Variants in PID1 observed in about 807,000 individuals in gnomAD.
PID1 encodes the protein phosphotyrosine interaction domain containing 1.
PID1 carries 10 observed loss-of-function variants against 19.1 expected under a neutral mutation model. That is an observed-to-expected ratio of 0.52 (90% confidence interval 0.32 to 0.89). The LOEUF (loss-of-function observed/expected upper bound fraction) is 0.89. Ranked by LOEUF, PID1 falls within the 40% of genes least tolerant of loss-of-function variation. The pLI is 0.03. For synonymous variants in PID1, 130 were observed against 116.0 expected (o/e 1.12, Z -0.78); for missense variants, 248 against 285.3 (o/e 0.87, Z 0.94).
rs190939141 is a variant in PID1 at position 229,122,399 on chromosome 2, G to A, written c.177+33419C>T. On this transcript the variant is annotated intron_variant, in intron 2 of 2. Coordinates refer to ENST00000392055, the MANE Select transcript of PID1 (RefSeq NM_001100818.2). Reference sequence around the variant, plus strand: ...GGGGCATTGCATAGAGAGGATAAGGGAACCCAGGAATAGCTGAATGATTTG... The same window carrying A: ...GGGGCATTGCATAGAGAGGATAAGGAAACCCAGGAATAGCTGAATGATTTG... 2.7e-3 allele frequency among the ~76,000 whole-genome samples: 410 copies of A among 152,296 alleles called. 1 individual carries two copies. The highest frequency in any genetic ancestry group is 9.5e-3 in the African/African-American group (395 of 41,566).
intron 1 of PID1, among the ~76,000 whole-genome samples, chr2:229,247,344 G>A (rs772018384): frequency 6.6e-6 from 1 of 152,116 alleles, no homozygotes; most frequent in Non-Finnish European, 1.5e-5. Context: ...CCTCTCACAT[G>A]GCTTAAAAGG....
chr2:229,237,178 T>C (rs1689726291), intron 1 of PID1, among the ~76,000 whole-genome samples: 1 of 152,196 alleles, frequency 6.6e-6, no homozygotes, highest in Non-Finnish European at 1.5e-5. Flanking sequence ...TCTTTTTGCA[T>C]CCAGAGAATA....
intron 1 of PID1, among the ~76,000 whole-genome samples, chr2:229,186,856 A>G (rs1691143754): frequency 6.6e-6 from 1 of 152,206 alleles, no homozygotes; most frequent in African/African-American, 2.4e-5. Context: ...AAATTTTCCA[A>G]ACTTTTATGC....
chr2:229,185,092 C>CTA (rs377174007), intron 1 of PID1, among the ~76,000 whole-genome samples: 24 of 35,754 alleles, frequency 6.7e-4, no homozygotes, highest in South Asian at 1.2e-3. Flanking sequence ...CATATATATC[C>CTA]TATATATATC....
chr2:229,128,995 A>T (rs147591254), intron 2 of PID1, among the ~76,000 whole-genome samples: 1 of 152,278 alleles, frequency 6.6e-6, no homozygotes, highest in African/African-American at 2.4e-5. Flanking sequence ...AAAACATCTC[A>T]TGTACCCCAT....
chr2:229,250,531 A>G (rs374793814), intron 1 of PID1, among the ~76,000 whole-genome samples: 3 of 152,226 alleles, frequency 2.0e-5, no homozygotes, highest in South Asian at 4.1e-4. Context: ...GGGATATCGC[A>G]TCTTCCACAT....
chr2:229,058,440 A>G (rs1694146749), intron 2 of PID1, among the ~76,000 whole-genome samples: 1 of 152,188 alleles, frequency 6.6e-6, no homozygotes, highest in South Asian at 2.1e-4. Context: ...CCTAGAGTGG[A>G]GACACAGGAT....
intron 1 of PID1, among the ~76,000 whole-genome samples, chr2:229,234,079 T>C (rs548752359): frequency 2.0e-5 from 3 of 152,258 alleles, no homozygotes; most frequent in Non-Finnish European, 4.4e-5. Context: ...AAGGCCAGCA[T>C]GTTGACCAGA....
intron 1 of PID1, among the ~76,000 whole-genome samples, chr2:229,239,013 TCAC>T (rs909026236): frequency 2.6e-5 from 4 of 152,070 alleles, no homozygotes; most frequent in African/African-American, 7.2e-5. Flanking sequence ...CCCGCTACTA[TCAC>T]CACCAAGAAC....
rs7582363 is a variant in PID1 at position 229,199,708 on chromosome 2, G to A, written c.31-43744C>T. On this transcript the variant is annotated intron_variant, in intron 1 of 2. Transcript: ENST00000392055. ...ATATATATGTCTTCAAGACAAATGG[G>A]AAATATCTAATTTATATATATATAT... Among the ~76,000 whole-genome samples the A allele has an allele frequency of 9.4e-3, 1,327 of 140,886 alleles. 22 individuals are homozygous for A. The highest frequency in any genetic ancestry group is 0.033 in the African/African-American group (1,279 of 38,770). The allele number at this position is 140,886 out of a possible 152,430, so 92.4% of individuals were successfully genotyped here. A position where few individuals can be genotyped will look rare whatever the true frequency, so the allele number is the denominator to read the frequency against.
intron 2 of PID1, among the ~76,000 whole-genome samples, chr2:229,113,267 T>A (rs997461495): frequency 7.2e-5 from 11 of 151,884 alleles, no homozygotes; most frequent in African/African-American, 2.4e-4. Context: ...GATCTAAAAT[T>A]TTAGAATCTT....
chr2:229,205,444 T>C (rs1691590609), intron 1 of PID1, among the ~76,000 whole-genome samples: 1 of 152,110 alleles, frequency 6.6e-6, no homozygotes, highest in Admixed American at 6.6e-5. Context: ...AATTCACATC[T>C]TCCACAAATT....
At position 229,025,380 on chromosome 2, in the gene PID1, A is replaced by AGAG; in HGVS notation, c.*249_*251dup. The AGAG allele has an allele frequency of 2.1e-6, 1 of 475,150 alleles. No individual in the cohort carries two copies. The allele number at this position is 475,150 out of a possible 1,614,324, so 29.4% of individuals were successfully genotyped here. A position where few individuals can be genotyped will look rare whatever the true frequency, so the allele number is the denominator to read the frequency against. On this transcript the variant is annotated 3_prime_UTR_variant, in exon 3 of 3. Coordinates refer to ENST00000392055, the MANE Select transcript of PID1 (RefSeq NM_001100818.2). ...GAGGCATTGGGAAATGAGAAAAATA[A>AGAG]GAGAGCCTAGAACCTTCCTCCCCAT...
At chr2:229,210,994 C>T (rs890180002) in intron 1 of PID1, among the ~76,000 whole-genome samples, 9 of 152,276 alleles carry the variant, frequency 5.9e-5, no homozygotes, top group South Asian at 2.1e-4. Flanking sequence ...AAAACTGCAT[C>T]GACTACTAGT....
chr2:229,045,697 A>G (rs1265560914), intron 2 of PID1, among the ~76,000 whole-genome samples: 1 of 152,222 alleles, frequency 6.6e-6, no homozygotes, highest in African/African-American at 2.4e-5. Flanking sequence ...TGATGAGGAA[A>G]CCTTTCTTTT....
intron 1 of PID1, among the ~76,000 whole-genome samples, chr2:229,158,844 A>C (rs947926461): frequency 2.6e-5 from 4 of 152,090 alleles, no homozygotes; most frequent in Admixed American, 2.6e-4. Flanking sequence ...CAAACATTGC[A>C]TGTTCTCATT....
intron 1 of PID1, among the ~76,000 whole-genome samples, chr2:229,203,483 C>A (rs1362239): frequency 0.52 from 78,043 of 150,294 alleles, 20,347 homozygotes; most frequent in Admixed American, 0.6. Flanking sequence ...TTTTACTATA[C>A]ATCATTTCAC....
chr2:229,153,124 G>A (rs866170824), intron 2 of PID1, among the ~76,000 whole-genome samples: 26 of 152,100 alleles, frequency 1.7e-4, no homozygotes, highest in African/African-American at 6.0e-4. Context: ...GATCTAAAAG[G>A]ATTTTAAACC....
At chr2:229,100,554 T>C (rs750895795) in intron 2 of PID1, among the ~76,000 whole-genome samples, 1 of 152,182 alleles carries the variant, frequency 6.6e-6, no homozygotes, top group African/African-American at 2.4e-5. Flanking sequence ...CTTGCTTCCG[T>C]TGCACAGGCA....
Sources: allele counts gnomAD v4.1 joint callset (sites outside exome capture counted in the v4.1 genomes callset), GRCh38; gene constraint gnomAD v4.1.1; transcripts MANE v1.5; gene names NCBI Gene and HGNC (gene_info 2026-07-23, HGNC 2026-07-21).